Variants in AATF observed in about 807,000 individuals in gnomAD.
The protein encoded by AATF is protein AATF.
Under a neutral mutation model 63.7 loss-of-function variants are expected in AATF, and 48 were observed. That is an observed-to-expected ratio of 0.75 (90% confidence interval 0.60 to 0.96). The LOEUF is 0.96. Ranked by LOEUF, AATF falls within the 40% of genes least tolerant of loss-of-function variation. The pLI is 0.00. For missense variants in AATF, 639 were observed against 685.7 expected (o/e 0.93, Z 0.76); for synonymous variants, 258 against 247.7 (o/e 1.04, Z -0.39).
intron 11 of AATF, among the ~76,000 whole-genome samples, chr17:37,035,402 C>T (rs544116194): frequency 5.3e-5 from 8 of 151,236 alleles, no homozygotes; most frequent in African/African-American, 1.9e-4. Context: ...TTTTGTTGTC[C>T]TTATTCAGTT....
intron 10 of AATF, among the ~76,000 whole-genome samples, chr17:37,023,073 A>G (rs1307318996): frequency 6.6e-6 from 1 of 152,218 alleles, no homozygotes; most frequent in Non-Finnish European, 1.5e-5. Context: ...TTATGAGGAC[A>G]TAAATGTTCT....
At chr17:37,032,727 T>C (rs2071561172) in intron 11 of AATF, among the ~76,000 whole-genome samples, 1 of 152,236 alleles carries the variant, frequency 6.6e-6, no homozygotes, top group African/African-American at 2.4e-5. Flanking sequence ...TTTTTCTTTT[T>C]TATATTGAAA....
At chr17:37,038,770 C>T (rs1294302900) in intron 11 of AATF, among the ~76,000 whole-genome samples, 1 of 152,030 alleles carries the variant, frequency 6.6e-6, no homozygotes, top group African/African-American at 2.4e-5. Context: ...CTACCTTTCC[C>T]ACTCCTTTTA....
At position 36,990,870 on chromosome 17, in the gene AATF, C is replaced by T; in HGVS notation, c.1398+13C>T. ...CTTTTACCACCAGGTGAGACTTTTACACTCTCTTGTTACAAATCATGTTTT... is the reference window on the plus strand; with the variant it reads ...CTTTTACCACCAGGTGAGACTTTTATACTCTCTTGTTACAAATCATGTTTT... On this transcript the variant is annotated intron_variant, in intron 8 of 11. Coordinates refer to ENST00000619387, the MANE Select transcript of AATF (RefSeq NM_012138.4). The T allele has an allele frequency of 6.5e-7, 1 of 1,538,888 alleles. No homozygotes were observed. Among genetic ancestry groups the T allele is most frequent in the Non-Finnish European group, 8.8e-7 (1 of 1,140,444 alleles).
At chr17:37,049,758 G>GT (rs903638897) in intron 11 of AATF, among the ~76,000 whole-genome samples, 3 of 152,248 alleles carry the variant, frequency 2.0e-5, no homozygotes, top group Admixed American at 6.5e-5. Flanking sequence ...GGATCCCTTT[G>GT]TTTGGTGCCG....
At chr17:37,036,162 C>T (rs904373460) in intron 11 of AATF, among the ~76,000 whole-genome samples, 2 of 152,150 alleles carry the variant, frequency 1.3e-5, no homozygotes, top group Admixed American at 6.5e-5. Context: ...GAGGCACCTC[C>T]GCTTATGGTT....
At chr17:36,972,598 A>G (rs890936725) in intron 4 of AATF, among the ~76,000 whole-genome samples, 6 of 152,096 alleles carry the variant, frequency 3.9e-5, no homozygotes, top group African/African-American at 1.4e-4. Flanking sequence ...ACCTATATAC[A>G]TGTAAGTGTG....
At chr17:37,033,709 G>A (rs543465623) in intron 11 of AATF, 1 of 154,764 alleles carries the variant, frequency 6.5e-6, no homozygotes, top group East Asian at 1.9e-4. Context: ...TCTAGGGGTG[G>A]TAGGCAATTG....
At chr17:36,952,743 G>A (rs2070865121) in intron 2 of AATF, 143 bp from the exon 3 acceptor site, 1 of 1,418,844 alleles carries the variant, frequency 7.0e-7, no homozygotes, top group South Asian at 1.6e-5. Context: ...GATTGTAGAT[G>A]TGTAATAAAT....
intron 4 of AATF, among the ~76,000 whole-genome samples, chr17:36,965,471 T>A (rs2070984162): frequency 6.6e-6 from 1 of 152,184 alleles, no homozygotes; most frequent in African/African-American, 2.4e-5. Context: ...CTTAATTATA[T>A]CTGCAAAGTC....
chr17:36,951,024 T>C (rs564244003), intron 2 of AATF, among the ~76,000 whole-genome samples: 3 of 152,300 alleles, frequency 2.0e-5, no homozygotes, highest in African/African-American at 7.2e-5. Flanking sequence ...GTGAAACTCA[T>C]TTTTTGCCAT....
At chr17:37,051,697 GACACAC>G (rs59773430) in intron 11 of AATF, among the ~76,000 whole-genome samples, 9 of 137,228 alleles carry the variant, frequency 6.6e-5, no homozygotes, top group South Asian at 4.7e-4. Context: ...CAGACAGACA[GACACAC>G]ACACACACAC....
intron 11 of AATF, among the ~76,000 whole-genome samples, chr17:37,042,015 T>C (rs1213771820): frequency 6.6e-6 from 1 of 152,176 alleles, no homozygotes; most frequent in African/African-American, 2.4e-5. Context: ...CTTTGCCCAT[T>C]TTCTTTTTGA....
At chr17:37,007,637 CATAA>C (rs943329754) in intron 8 of AATF, among the ~76,000 whole-genome samples, 1 of 152,198 alleles carries the variant, frequency 6.6e-6, no homozygotes, top group Admixed American at 6.5e-5. Context: ...ATGACATAAA[CATAA>C]ATAACCAGAA....
At position 36,986,601 on chromosome 17, in the gene AATF, G is replaced by C. The variant is rs777737813; in HGVS notation, c.833-16G>C. The C allele has an allele frequency of 4.4e-6, 7 of 1,596,312 alleles. No individual in the cohort carries two copies. Among genetic ancestry groups the C allele is most frequent in the South Asian group, 2.2e-5 (2 of 90,740 alleles). On this transcript the variant is annotated splice_polypyrimidine_tract_variant and intron_variant, in intron 4 of 11. Transcript: ENST00000619387. ...GTAGATAATTAATTGTCCTTTCTCT[G>C]TCCTTTATTTCCCAGGTCACAAGGC...
At chr17:37,047,609 A>G (rs1002013691) in intron 11 of AATF, among the ~76,000 whole-genome samples, 1 of 152,230 alleles carries the variant, frequency 6.6e-6, no homozygotes, top group Admixed American at 6.5e-5. Flanking sequence ...GACAGGCCAG[A>G]GGCCGTGTGT....
intron 10 of AATF, among the ~76,000 whole-genome samples, chr17:37,023,563 CAG>C (rs1463526364): frequency 9.4e-5 from 13 of 138,522 alleles, no homozygotes; most frequent in South Asian, 7.5e-4. Flanking sequence ...TCTTTTTAAA[CAG>C]AGTTTAAAAA....
intron 8 of AATF, among the ~76,000 whole-genome samples, chr17:36,997,604 G>A (rs1284302196): frequency 1.3e-5 from 2 of 152,172 alleles, no homozygotes; most frequent in African/African-American, 4.8e-5. Context: ...AGTGAACAGG[G>A]AACACTTCCA....
chr17:36,985,155 G>A (rs1371978632), intron 4 of AATF, among the ~76,000 whole-genome samples: 3 of 152,012 alleles, frequency 2.0e-5, no homozygotes, highest in African/African-American at 4.8e-5. Context: ...ACCCGCCTCC[G>A]CCTCCCAAAG....
Sources: gnomAD v4.1 joint callset for allele counts (sites outside exome capture counted in the v4.1 genomes callset) on GRCh38, gnomAD v4.1.1 for gene constraint, MANE v1.5 for transcripts, NCBI Gene and HGNC (gene_info 2026-07-23, HGNC 2026-07-21) for gene names.